AUTS2: variants seen among roughly 807,000 people sequenced by gnomAD.
The protein encoded by AUTS2 is autism susceptibility gene 2 protein.
Under a neutral mutation model 112.4 loss-of-function variants are expected in AUTS2, and 17 were observed. The ratio of observed to expected loss-of-function variants is 0.15; its 90% CI spans 0.10 to 0.23. The LOEUF is 0.23. AUTS2 is among the 10% of genes least tolerant of loss of function. The probability of loss-of-function intolerance (pLI) is 1.00; values close to 1 mark genes in which losing one functional copy is unlikely to be tolerated. For synonymous variants in AUTS2, 751 were observed against 702.7 expected (o/e 1.07, Z -1.09); for missense variants, 1,510 against 1,701.6 (o/e 0.89, Z 1.98).
intron 1 of AUTS2, among the ~76,000 whole-genome samples, chr7:69,813,626 T>A (rs73438192): frequency 0.01 from 1,558 of 152,318 alleles, 39 homozygotes; most frequent in African/African-American, 0.035. Flanking sequence ...CTTGTACACA[T>A]ACTGGGAGGC....
At chr7:70,774,469 A>C in intron 12 of AUTS2, 1 of 202,032 alleles carries the variant, frequency 4.9e-6, no homozygotes. Context: ...GAAAAGCACT[A>C]AGGCGCTTTT....
At position 70,693,297 on chromosome 7, in the gene AUTS2, G is replaced by C. The variant is rs187994398; in HGVS notation, c.691-5272G>C. Among the ~76,000 whole-genome samples the C allele has an allele frequency of 6.2e-3, 951 of 152,318 alleles. 7 individuals are homozygous for C. Among genetic ancestry groups the C allele is most frequent in the Admixed American group, 0.025 (383 of 15,302 alleles). On this transcript the variant is annotated intron_variant, in intron 5 of 18. Transcript: ENST00000342771. ...ACTGTGCTCTAGGGGATACAGACAC[G>C]ATACATGTTAGGATGATAGACGTAA...
chr7:70,118,349 G>C, intron 3 of AUTS2, 116 bp downstream of exon 3: 6 of 1,225,242 alleles, frequency 4.9e-6, no homozygotes, highest in African/African-American at 4.7e-5. Context: ...AGAACTTTTT[G>C]TCTACCCAAG....
At chr7:70,556,978 G>A (rs186107452) in intron 5 of AUTS2, among the ~76,000 whole-genome samples, 188 of 152,238 alleles carry the variant, frequency 1.2e-3, no homozygotes, top group Non-Finnish European at 2.2e-3. Context: ...TTCCTCCTGT[G>A]CGCTCCCAGA....
chr7:70,283,208 T>C (rs1562848760), intron 4 of AUTS2, among the ~76,000 whole-genome samples: 1 of 152,228 alleles, frequency 6.6e-6, no homozygotes, highest in Non-Finnish European at 1.5e-5. Flanking sequence ...GAGAAATTGC[T>C]CTACCTGGAG....
intron 1 of AUTS2, among the ~76,000 whole-genome samples, chr7:69,739,093 G>T (rs904984801): frequency 6.6e-6 from 1 of 151,998 alleles, no homozygotes; most frequent in Non-Finnish European, 1.5e-5. Context: ...AAGCACTAAA[G>T]AAAAGGAATA....
chr7:69,808,856 A>G (rs1414802136), intron 1 of AUTS2, among the ~76,000 whole-genome samples: 1 of 152,172 alleles, frequency 6.6e-6, no homozygotes, highest in Non-Finnish European at 1.5e-5. Flanking sequence ...ACAGCTGCAT[A>G]CTTTGTTAGG....
chr7:69,626,190 T>C (rs1203381677), intron 1 of AUTS2, among the ~76,000 whole-genome samples: 1 of 152,126 alleles, frequency 6.6e-6, no homozygotes, highest in Non-Finnish European at 1.5e-5. Flanking sequence ...TAAAGTGAAA[T>C]CTCTTAGTGT....
intron 2 of AUTS2, among the ~76,000 whole-genome samples, chr7:69,934,104 A>G (rs965572645): frequency 1.3e-5 from 2 of 152,222 alleles, no homozygotes; most frequent in African/African-American, 4.8e-5. Context: ...CTGGAGCGAA[A>G]CTCATATAAC....
intron 6 of AUTS2, chr7:70,729,205 C>T (rs139700878): frequency 9.9e-4 from 452 of 456,558 alleles, no homozygotes; most frequent in Admixed American, 1.9e-3. Flanking sequence ...TTGGAGCTCC[C>T]GTGCCGATGG....
chr7:70,549,728 C>T (rs543020489), intron 5 of AUTS2, among the ~76,000 whole-genome samples: 10 of 152,178 alleles, frequency 6.6e-5, no homozygotes, highest in Non-Finnish European at 1.5e-4. Flanking sequence ...CGCATTGACT[C>T]AGGTTTCACA....
intron 1 of AUTS2, among the ~76,000 whole-genome samples, chr7:69,602,370 T>C (rs1318287792): frequency 6.6e-6 from 1 of 152,164 alleles, no homozygotes; most frequent in East Asian, 1.9e-4. Context: ...CACCTTCATA[T>C]CTAAATATCA....
chr7:69,847,802 T>C (rs1792277319), intron 1 of AUTS2, among the ~76,000 whole-genome samples: 2 of 152,180 alleles, frequency 1.3e-5, no homozygotes. Context: ...GCTGGAGGGC[T>C]CTAAACTTGC....
chr7:69,740,813 C>T (rs1299524882), intron 1 of AUTS2, among the ~76,000 whole-genome samples: 2 of 152,162 alleles, frequency 1.3e-5, no homozygotes, highest in Non-Finnish European at 2.9e-5. Context: ...TGAGCCACTG[C>T]GCCCGGCCAG....
intron 4 of AUTS2, among the ~76,000 whole-genome samples, chr7:70,386,601 C>G (rs2129633688): frequency 6.6e-6 from 1 of 151,562 alleles, no homozygotes; most frequent in Non-Finnish European, 1.5e-5. Flanking sequence ...CTGAAATATC[C>G]TAAAGTGACT....
intron 1 of AUTS2, among the ~76,000 whole-genome samples, chr7:69,691,390 G>A (rs1797335521): frequency 6.6e-6 from 1 of 152,014 alleles, no homozygotes; most frequent in Non-Finnish European, 1.5e-5. Context: ...AGGGGTGTCT[G>A]CAGACCCATG....
rs1554307045 is a variant in AUTS2 at position 70,088,605 on chromosome 7, GTTTGT to G, written c.523-29508_523-29504del. On this transcript the variant is annotated intron_variant, in intron 2 of 18. Coordinates refer to ENST00000342771, the MANE Select transcript of AUTS2 (RefSeq NM_015570.4). Reference sequence around the variant, plus strand: ...ACCCACCTTGTTTGTTTGTTTGTTTGTTTGTTTTGTTTTGTTTTGTTTTAAAGACA... The same window carrying G: ...ACCCACCTTGTTTGTTTGTTTGTTTGTTTGTTTTGTTTTGTTTTAAAGACA... 2.6e-4 allele frequency among the ~76,000 whole-genome samples: 38 copies of G among 146,200 alleles called. No individual in the cohort carries two copies. The South Asian group carries it at 5.2e-3, about 20-fold the overall frequency.
At chr7:70,648,247 C>T (rs1806284233) in intron 5 of AUTS2, among the ~76,000 whole-genome samples, 1 of 152,132 alleles carries the variant, frequency 6.6e-6, no homozygotes, top group Non-Finnish European at 1.5e-5. Context: ...CCGCCCCCCT[C>T]CACCACCAGA....
intron 4 of AUTS2, among the ~76,000 whole-genome samples, chr7:70,238,170 G>C (rs1484019400): frequency 6.6e-6 from 1 of 152,192 alleles, no homozygotes; most frequent in Non-Finnish European, 1.5e-5. Flanking sequence ...CTAAATCTGA[G>C]CAGATCTTGT....
Sources: allele counts gnomAD v4.1 joint callset (sites outside exome capture counted in the v4.1 genomes callset), GRCh38; gene constraint gnomAD v4.1.1; transcripts MANE v1.5; gene names NCBI Gene and HGNC (gene_info 2026-07-23, HGNC 2026-07-21).